EXOC4: variants seen among roughly 807,000 people sequenced by gnomAD.
EXOC4 encodes exocyst complex component 4, also known as SEC8-like 1.
Under a neutral mutation model 107.2 loss-of-function variants are expected in EXOC4, and 71 were observed. The ratio of observed to expected loss-of-function variants is 0.66; its 90% confidence interval spans 0.55 to 0.81. The LOEUF is 0.81. Ranked by LOEUF, EXOC4 falls within the 30% of genes least tolerant of loss-of-function variation. EXOC4 has a pLI of 0.00. For synonymous variants in EXOC4, 456 were observed against 441.2 expected, an observed-to-expected ratio of 1.03 and a Z score of -0.42; for missense variants, 1,108 against 1,189.6, an observed-to-expected ratio of 0.93 and a Z score of 1.01.
chr7:134,048,423 G>T (rs563022677), intron 17 of EXOC4, among the ~76,000 whole-genome samples: 7 of 152,302 alleles, frequency 4.6e-5, no homozygotes, highest in African/African-American at 1.7e-4. Context: ...TTCAGCATAT[G>T]CCCAGGAATG....
At chr7:133,411,456 T>C (rs1200224174) in intron 7 of EXOC4, among the ~76,000 whole-genome samples, 1 of 152,152 alleles carries the variant, frequency 6.6e-6, no homozygotes, top group Non-Finnish European at 1.5e-5. Context: ...ATAATTCTTA[T>C]TACTATAGAA....
At chr7:133,772,463 GGCACATGTAT>G (rs1796263042) in intron 10 of EXOC4, among the ~76,000 whole-genome samples, 1 of 151,722 alleles carries the variant, frequency 6.6e-6, no homozygotes, top group Admixed American at 6.6e-5. Context: ...GCACCAGCAC[GGCACATGTAT>G]ACATATGTAA....
chr7:133,508,144 C>G (rs1203774709), intron 9 of EXOC4, among the ~76,000 whole-genome samples: 1 of 152,036 alleles, frequency 6.6e-6, no homozygotes, highest in African/African-American at 2.4e-5. Flanking sequence ...AGGTACCTAA[C>G]TGAATAATAC....
At chr7:134,037,194 T>C (rs1000022779) in intron 17 of EXOC4, among the ~76,000 whole-genome samples, 79 of 152,224 alleles carry the variant, frequency 5.2e-4, no homozygotes, top group African/African-American at 1.9e-3. Context: ...AGACCGAAGG[T>C]ACAAGATATC....
At chr7:133,990,268 T>TCCCCCC (rs60183854) in intron 14 of EXOC4, among the ~76,000 whole-genome samples, 67 of 110,080 alleles carry the variant, frequency 6.1e-4, no homozygotes, top group Non-Finnish European at 9.1e-4. Flanking sequence ...AACTTTCCCC[T>TCCCCCC]CCCCCCCCCA....
intron 10 of EXOC4, among the ~76,000 whole-genome samples, chr7:133,751,875 T>C: frequency 6.6e-6 from 1 of 152,020 alleles, no homozygotes; most frequent in East Asian, 1.9e-4. Context: ...CCAGGTGTTG[T>C]GACCCATACT....
intron 5 of EXOC4, among the ~76,000 whole-genome samples, chr7:133,353,064 T>G (rs1029581735): frequency 1.3e-5 from 2 of 152,124 alleles, no homozygotes; most frequent in Admixed American, 1.3e-4. Context: ...AAATGTGGAT[T>G]TATAAACCAA....
At chr7:133,968,664 T>C (rs977081092) in intron 14 of EXOC4, among the ~76,000 whole-genome samples, 8 of 152,192 alleles carry the variant, frequency 5.3e-5, no homozygotes, top group African/African-American at 9.7e-5. Context: ...TGTTGAATAT[T>C]GGCCCCCACT....
At chr7:134,021,421 A>G (rs1005701169) in intron 17 of EXOC4, among the ~76,000 whole-genome samples, 1 of 152,218 alleles carries the variant, frequency 6.6e-6, no homozygotes, top group Admixed American at 6.5e-5. Flanking sequence ...AAGGTCTTAT[A>G]AGGCTCTGAA....
chr7:133,339,752 T>C (rs752622684), intron 5 of EXOC4, among the ~76,000 whole-genome samples: 1 of 152,180 alleles, frequency 6.6e-6, no homozygotes, highest in Non-Finnish European at 1.5e-5. Flanking sequence ...TTCTAAGCAT[T>C]TTATTTTATT....
chr7:133,936,411 C>G (rs1800300718), intron 13 of EXOC4, among the ~76,000 whole-genome samples: 1 of 152,212 alleles, frequency 6.6e-6, no homozygotes, highest in Admixed American at 6.5e-5. Context: ...AAGCATCTTT[C>G]TATGTGTCAA....
At chr7:133,427,033 G>A (rs1797742067) in intron 7 of EXOC4, among the ~76,000 whole-genome samples, 1 of 152,110 alleles carries the variant, frequency 6.6e-6, no homozygotes, top group South Asian at 2.1e-4. Flanking sequence ...CATCCAATGT[G>A]ACTCTCCTGA....
At chr7:133,719,985 T>G (rs1283875456) in intron 10 of EXOC4, among the ~76,000 whole-genome samples, 1 of 152,174 alleles carries the variant, frequency 6.6e-6, no homozygotes, top group Non-Finnish European at 1.5e-5. Context: ...TCCCACTGAT[T>G]GTGATTGATT....
intron 2 of EXOC4, among the ~76,000 whole-genome samples, chr7:133,283,989 A>C (rs1794217779): frequency 6.6e-6 from 1 of 152,212 alleles, no homozygotes; most frequent in African/African-American, 2.4e-5. Context: ...ATCATAAAGC[A>C]GAAGGCTCAG....
intron 10 of EXOC4, among the ~76,000 whole-genome samples, chr7:133,715,213 A>G (rs927938304): frequency 6.6e-6 from 1 of 152,118 alleles, no homozygotes; most frequent in African/African-American, 2.4e-5. Flanking sequence ...GGGTCTTGCT[A>G]TGTTGCCCAG....
chr7:133,544,436 T>C (rs1800440790), intron 9 of EXOC4, among the ~76,000 whole-genome samples: 1 of 152,170 alleles, frequency 6.6e-6, no homozygotes, highest in South Asian at 2.1e-4. Flanking sequence ...GAAACTGATT[T>C]ACCTTACTTC....
intron 7 of EXOC4, among the ~76,000 whole-genome samples, chr7:133,433,247 C>G (rs1395427397): frequency 1.3e-5 from 2 of 152,192 alleles, no homozygotes; most frequent in Admixed American, 6.5e-5. Context: ...TAACCTACCC[C>G]ACTCCCAATA....
At chr7:133,346,776 A>G (rs895955504) in intron 5 of EXOC4, among the ~76,000 whole-genome samples, 6 of 152,206 alleles carry the variant, frequency 3.9e-5, no homozygotes, top group African/African-American at 1.4e-4. Flanking sequence ...TAAGTTACGT[A>G]GATTGAAATC....
intron 3 of EXOC4, among the ~76,000 whole-genome samples, chr7:133,296,977 A>G (rs1794534208): frequency 6.6e-6 from 1 of 152,156 alleles, no homozygotes; most frequent in Non-Finnish European, 1.5e-5. Context: ...CATTGGAACT[A>G]TTGGTGTAGG....
Sources: gnomAD v4.1 joint callset for allele counts (sites outside exome capture counted in the v4.1 genomes callset) on GRCh38, gnomAD v4.1.1 for gene constraint, MANE v1.5 for transcripts, NCBI Gene and HGNC (gene_info 2026-07-23, HGNC 2026-07-21) for gene names.